DPH6: variants seen among roughly 807,000 people sequenced by gnomAD.
The protein encoded by DPH6 is diphthine--ammonia ligase.
A neutral mutation model predicts 38.2 loss-of-function variants in DPH6; 33 were observed. That is an observed-to-expected ratio of 0.86 (90% CI 0.65 to 1.15). The LOEUF is 1.15. DPH6 is among the 50% of genes most tolerant of loss of function. The probability of loss-of-function intolerance (pLI) is 0.00; values close to 1 mark genes in which losing one functional copy is unlikely to be tolerated. For missense variants in DPH6, 325 were observed against 320.0 expected, an observed-to-expected ratio of 1.02 and a Z score of -0.12; for synonymous variants, 108 against 103.0, an observed-to-expected ratio of 1.05 and a Z score of -0.30.
intron 3 of DPH6, among the ~76,000 whole-genome samples, chr15:35,321,593 T>C (rs751449116): frequency 2.6e-5 from 4 of 152,220 alleles, no homozygotes; most frequent in Non-Finnish European, 4.4e-5. Flanking sequence ...ACAGGTGTGA[T>C]CACTTTGTAA....
intron 5 of DPH6, among the ~76,000 whole-genome samples, chr15:35,450,459 A>T (rs1394388154): frequency 2.7e-5 from 4 of 150,404 alleles, no homozygotes; most frequent in Non-Finnish European, 5.9e-5. Context: ...TATATGTTAA[A>T]AAAAAAAAAA....
the DPH6 span, among the ~76,000 whole-genome samples, chr15:35,148,450 A>G: frequency 6.6e-6 from 1 of 152,224 alleles, no homozygotes; most frequent in Non-Finnish European, 1.5e-5. Flanking sequence ...AATATATTCA[A>G]TATTTCAATG....
At chr15:35,309,490 T>G (rs973212660) in intron 3 of DPH6, among the ~76,000 whole-genome samples, 1 of 152,220 alleles carries the variant, frequency 6.6e-6, no homozygotes, top group Non-Finnish European at 1.5e-5. Flanking sequence ...ATATCACTCC[T>G]AATGAAAATT....
Position 35,356,688 on chromosome 15 carries a change from C to T in DPH6, n.207+16833G>A, listed in dbSNP as rs144566440. Among the ~76,000 whole-genome samples, 3 of 152,296 alleles carry T rather than the reference C, an allele frequency of 2.0e-5. No homozygotes were observed. In the East Asian group the frequency reaches 5.8e-4, roughly 29 times the overall value. Reference sequence around the variant, plus strand: ...CCTGGCCATGTGAGGTGTCAGTCTGCCCCTACTGTGAGGTGCCTCCCAGTT... The same window carrying T: ...CCTGGCCATGTGAGGTGTCAGTCTGTCCCTACTGTGAGGTGCCTCCCAGTT... On this transcript the variant is annotated intron_variant and non_coding_transcript_variant, in intron 3 of 3. Coordinates refer to the DPH6 transcript ENST00000558973.
At chr15:35,542,965 T>TATATATATATATATATAAAAA (rs58422347) in intron 1 of DPH6, among the ~76,000 whole-genome samples, 1 of 76,178 alleles carries the variant, frequency 1.3e-5, no homozygotes, top group Non-Finnish European at 2.6e-5. Context: ...TATATATATA[T>TATATATATATATATATAAAAA]AAAATAATTT....
chr15:35,147,192 T>C, the DPH6 span, among the ~76,000 whole-genome samples: 1 of 152,150 alleles, frequency 6.6e-6, no homozygotes, highest in African/African-American at 2.4e-5. Context: ...TATTCCTGTT[T>C]AACAGATGAG....
intron 3 of DPH6, among the ~76,000 whole-genome samples, chr15:35,315,973 T>A (rs146170837): frequency 1.3e-5 from 2 of 152,134 alleles, no homozygotes; most frequent in Non-Finnish European, 2.9e-5. Flanking sequence ...ATACTCAATG[T>A]AGGAACTAAA....
chr15:35,189,608 A>T, the DPH6 span, among the ~76,000 whole-genome samples: 99 of 152,190 alleles, frequency 6.5e-4, no homozygotes, highest in Admixed American at 6.2e-3. Context: ...TTTACACTAC[A>T]TTATGTTTGC....
At chr15:35,230,733 G>A (rs1317852420) in intron 3 of DPH6, among the ~76,000 whole-genome samples, 1 of 152,150 alleles carries the variant, frequency 6.6e-6, no homozygotes, top group Non-Finnish European at 1.5e-5. Context: ...GATGAATCCT[G>A]CCAGGACTGA....
chr15:35,148,899 C>T, the DPH6 span, among the ~76,000 whole-genome samples: 1 of 152,124 alleles, frequency 6.6e-6, no homozygotes, highest in Non-Finnish European at 1.5e-5. Flanking sequence ...TTAGCATTAC[C>T]TATGACACTT....
chr15:35,195,940 GGA>G, the DPH6 span, among the ~76,000 whole-genome samples: 1 of 152,090 alleles, frequency 6.6e-6, no homozygotes, highest in Non-Finnish European at 1.5e-5. Context: ...AGAGAGCCAG[GGA>G]GAGACAAAAG....
chr15:35,229,963 C>A (rs968226517), intron 3 of DPH6, among the ~76,000 whole-genome samples: 1 of 152,190 alleles, frequency 6.6e-6, no homozygotes. Flanking sequence ...GTGGTCACTA[C>A]CCCTGGGACT....
At chr15:35,298,849 G>T in intron 3 of DPH6, 1 of 1,041,994 alleles carries the variant, frequency 9.6e-7, no homozygotes, top group Non-Finnish European at 1.5e-6. Context: ...GGAAGACTGT[G>T]ATCGAGGTCT....
chr15:35,318,363 T>C (rs1276345377), intron 3 of DPH6, among the ~76,000 whole-genome samples: 2 of 152,016 alleles, frequency 1.3e-5, no homozygotes, highest in Admixed American at 6.6e-5. Flanking sequence ...AGAACTTAAA[T>C]GAGAAAACAA....
intron 3 of DPH6, among the ~76,000 whole-genome samples, chr15:35,363,889 T>A (rs1473917290): frequency 6.6e-6 from 1 of 152,008 alleles, no homozygotes; most frequent in Non-Finnish European, 1.5e-5. Context: ...TTATATACAA[T>A]GCAAAAACTT....
chr15:35,533,127 T>A (rs112216452), intron 3 of DPH6, among the ~76,000 whole-genome samples: 1 of 150,024 alleles, frequency 6.7e-6, no homozygotes, highest in Admixed American at 6.6e-5. Flanking sequence ...AAAAGAATCA[T>A]CTAGGATGGT....
intron 5 of DPH6, among the ~76,000 whole-genome samples, chr15:35,422,164 A>G (rs1183236219): frequency 6.6e-6 from 1 of 151,964 alleles, no homozygotes; most frequent in Non-Finnish European, 1.5e-5. Context: ...GAAGGACAAT[A>G]AAGGGTGAAT....
intron 6 of DPH6, among the ~76,000 whole-genome samples, chr15:35,387,807 T>C (rs995353280): frequency 3.9e-5 from 6 of 152,110 alleles, no homozygotes; most frequent in African/African-American, 1.4e-4. Context: ...ATTTGACTTG[T>C]TCTTTTCCTA....
the DPH6 span, among the ~76,000 whole-genome samples, chr15:35,187,341 T>C: frequency 6.6e-6 from 1 of 152,264 alleles, no homozygotes; most frequent in African/African-American, 2.4e-5. Flanking sequence ...TATCTCATGA[T>C]GGTATAATTT....
Sources: allele counts gnomAD v4.1 joint callset (sites outside exome capture counted in the v4.1 genomes callset), GRCh38; gene constraint gnomAD v4.1.1; transcripts MANE v1.5; gene names NCBI Gene and HGNC (gene_info 2026-07-23, HGNC 2026-07-21).